The following NRG1 variants were observed in gnomAD, a reference collection of about 807,000 sequenced individuals.
NRG1 encodes pro-neuregulin-1, membrane-bound isoform.
Under a neutral mutation model 63.8 loss-of-function variants are expected in NRG1, and 18 were observed. That is an observed-to-expected ratio of 0.28 (90% CI 0.19 to 0.42). NRG1 has a LOEUF of 0.42. NRG1 is among the 10% of genes least tolerant of loss of function. NRG1 has a pLI of 1.00. For missense variants in NRG1, 762 were observed against 814.7 expected (o/e 0.94, Z 0.79); for synonymous variants, 302 against 301.3 (o/e 1.00, Z -0.02).
chr8:31,881,243 G>C (rs186084412), intron 1 of NRG1, among the ~76,000 whole-genome samples: 1 of 152,108 alleles, frequency 6.6e-6, no homozygotes, highest in Admixed American at 6.6e-5. Context: ...CTCACTTTTT[G>C]TCACATTTTG....
chr8:32,706,950 T>C (rs933923457), intron 5 of NRG1, among the ~76,000 whole-genome samples: 1 of 152,108 alleles, frequency 6.6e-6, no homozygotes, highest in African/African-American at 2.4e-5. Flanking sequence ...AGAGTTAATA[T>C]AATTCAAATT....
At chr8:32,722,160 A>G (rs1446407248) in intron 5 of NRG1, 7 of 838,400 alleles carry the variant, frequency 8.3e-6, no homozygotes, top group Non-Finnish European at 1.3e-5. Flanking sequence ...ATTTTCTGTA[A>G]GTAACTCGTA....
intron 1 of NRG1, among the ~76,000 whole-genome samples, chr8:32,389,578 G>GT (rs1407714341): frequency 6.6e-6 from 1 of 152,032 alleles, no homozygotes; most frequent in Non-Finnish European, 1.5e-5. Flanking sequence ...CTCTGCATCT[G>GT]TATTGCCATC....
chr8:32,296,976 G>A (rs1046878993), intron 1 of NRG1, among the ~76,000 whole-genome samples: 15 of 151,968 alleles, frequency 9.9e-5, no homozygotes, highest in South Asian at 6.2e-4. Context: ...TTAGCTGGGC[G>A]TGGTGGCCCG....
intron 1 of NRG1, among the ~76,000 whole-genome samples, chr8:32,110,305 A>G (rs1275787083): frequency 6.6e-6 from 1 of 152,130 alleles, no homozygotes; most frequent in East Asian, 1.9e-4. Flanking sequence ...AAAAAATGTC[A>G]GAGAAGAAAG....
In NRG1 at chr8:31,640,649, C is replaced by A. The variant is rs1227970328; in HGVS notation, c.37+1218C>A. 6.8e-6 allele frequency: 11 copies of A among 1,608,372 alleles called. No individual in the cohort carries two copies. The highest frequency in any genetic ancestry group is 9.3e-6 in the Non-Finnish European group (11 of 1,178,498). On this transcript the variant is annotated intron_variant, in intron 1 of 10. Transcript: ENST00000519301. The surrounding 1 kb of genome is among the most constrained non-coding windows in gnomAD (Gnocchi z 6.3). ...AACAGCACCAGCCGCGCGCCGGCCG[C>A]CTTCCGAGCCTCTTTCCCCCCTCTG...
chr8:31,780,733 G>A (rs1223850239), intron 1 of NRG1, among the ~76,000 whole-genome samples: 1 of 152,186 alleles, frequency 6.6e-6, no homozygotes, highest in Non-Finnish European at 1.5e-5. Flanking sequence ...GCAAATCAGA[G>A]ATGCTTCAGT....
chr8:32,271,180 T>G (rs1214432068), intron 1 of NRG1, among the ~76,000 whole-genome samples: 2 of 152,156 alleles, frequency 1.3e-5, no homozygotes, highest in Non-Finnish European at 2.9e-5. Context: ...ACTGCGTGAA[T>G]ATATATGCCA....
intron 1 of NRG1, among the ~76,000 whole-genome samples, chr8:32,131,191 C>T (rs1357840379): frequency 6.6e-6 from 1 of 151,806 alleles, no homozygotes; most frequent in East Asian, 1.9e-4. Flanking sequence ...GCATGGTTCC[C>T]AGTTATGAAA....
chr8:31,977,475 C>A (rs1808380848), intron 1 of NRG1, among the ~76,000 whole-genome samples: 1 of 152,000 alleles, frequency 6.6e-6, no homozygotes, highest in African/African-American at 2.4e-5. Context: ...CCATCTCAGA[C>A]CTCTACTAAT....
At chr8:31,861,684 A>G (rs1563497228) in intron 1 of NRG1, among the ~76,000 whole-genome samples, 1 of 152,078 alleles carries the variant, frequency 6.6e-6, no homozygotes, top group Non-Finnish European at 1.5e-5. Flanking sequence ...TAAAATGAGG[A>G]CTTTGAGACC....
intron 1 of NRG1, among the ~76,000 whole-genome samples, chr8:32,119,700 G>A (rs898731602): frequency 1.3e-5 from 2 of 151,956 alleles, no homozygotes; most frequent in Non-Finnish European, 2.9e-5. Flanking sequence ...TAGATGAATT[G>A]GAAATGACAC....
chr8:32,169,700 A>G (rs1839799687), intron 1 of NRG1, among the ~76,000 whole-genome samples: 1 of 152,196 alleles, frequency 6.6e-6, no homozygotes, highest in South Asian at 2.1e-4. Context: ...CTAAGAATGA[A>G]TTCTTTTTAC....
At chr8:31,857,874 C>T (rs1190746221) in intron 1 of NRG1, among the ~76,000 whole-genome samples, 2 of 152,176 alleles carry the variant, frequency 1.3e-5, no homozygotes, top group African/African-American at 2.4e-5. Context: ...AACTAACGAA[C>T]ATACAGTGTA....
chr8:32,251,836 G>A (rs1036417704), intron 1 of NRG1, among the ~76,000 whole-genome samples: 9 of 151,876 alleles, frequency 5.9e-5, no homozygotes, highest in Non-Finnish European at 1.0e-4. Context: ...AATGACCAGT[G>A]ATGATGATTT....
intron 2 of NRG1, among the ~76,000 whole-genome samples, chr8:32,600,643 T>C (rs1245319818): frequency 6.6e-6 from 1 of 152,192 alleles, no homozygotes; most frequent in Non-Finnish European, 1.5e-5. Context: ...TACACTGTAC[T>C]GTTTTTTCTT....
intron 1 of NRG1, among the ~76,000 whole-genome samples, chr8:31,846,041 G>A (rs907269719): frequency 1.3e-5 from 2 of 152,104 alleles, no homozygotes; most frequent in Non-Finnish European, 1.5e-5. Flanking sequence ...CCCATGAAAG[G>A]GCTATAAATG....
At chr8:32,268,152 C>T (rs1851178398) in intron 1 of NRG1, among the ~76,000 whole-genome samples, 1 of 152,170 alleles carries the variant, frequency 6.6e-6, no homozygotes, top group Admixed American at 6.5e-5. Context: ...GAAGTGAATT[C>T]TGCCAACAAT....
At chr8:31,781,245 G>A (rs1431816582) in intron 1 of NRG1, among the ~76,000 whole-genome samples, 6 of 152,154 alleles carry the variant, frequency 3.9e-5, no homozygotes, top group Admixed American at 6.6e-5. Context: ...CTTTCTGTGT[G>A]AGGAGTAATT....
Sources: allele counts gnomAD v4.1 joint callset (sites outside exome capture counted in the v4.1 genomes callset), GRCh38; gene constraint gnomAD v4.1.1; non-coding constraint Gnocchi (gnomAD v3.1); transcripts MANE v1.5; gene names NCBI Gene and HGNC (gene_info 2026-07-23, HGNC 2026-07-21).